Variants in ZNF280D observed in about 807,000 individuals in gnomAD.
ZNF280D encodes the protein suppressor of hairy wing homolog 4.
A neutral mutation model predicts 94.7 loss-of-function variants in ZNF280D; 39 were observed. That is an observed-to-expected ratio of 0.41 (90% CI 0.32 to 0.54). The LOEUF (loss-of-function observed/expected upper bound fraction) is 0.54, where lower values mean the gene tolerates loss of function less well. Ranked by LOEUF, ZNF280D falls within the 20% of genes least tolerant of loss-of-function variation. ZNF280D has a pLI of 0.22. For missense variants in ZNF280D, 1,090 were observed against 1,149.3 expected, an observed-to-expected ratio of 0.95 and a Z score of 0.75; for synonymous variants, 398 against 377.6, an observed-to-expected ratio of 1.05 and a Z score of -0.63.
At chr15:56,708,472 A>G (rs1184327202) in intron 1 of ZNF280D, among the ~76,000 whole-genome samples, 2 of 152,216 alleles carry the variant, frequency 1.3e-5, no homozygotes, top group Non-Finnish European at 2.9e-5. Flanking sequence ...GGAACACGGA[A>G]TATTTTTAAG....
At chr15:56,667,074 A>G (rs566677742) in intron 14 of ZNF280D, 88 bp from the exon 15 acceptor site, 1 of 1,104,842 alleles carries the variant, frequency 9.1e-7, no homozygotes, top group African/African-American at 1.6e-5. Context: ...TTAAAAATCA[A>G]GAATTTTGAA....
chr15:56,713,606 T>TAG lies in ZNF280D; in HGVS notation c.-85-6302_-85-6301dup, dbSNP rs199706892. Among the ~76,000 whole-genome samples, 440 of 152,334 alleles carry TAG rather than the reference T, an allele frequency of 2.9e-3. 3 individuals are homozygous for TAG. The highest frequency in any genetic ancestry group is 0.01 in the African/African-American group (418 of 41,594). On this transcript the variant is annotated intron_variant, in intron 1 of 21. Coordinates refer to ENST00000267807, the MANE Select transcript of ZNF280D (RefSeq NM_017661.4). ...TTTTAGAATTCCAATCTCAGATGAA[T>TAG]AGAGCTTAAAGGATACAAAGTGAAT...
At chr15:56,715,877 T>C (rs1225761516) in intron 1 of ZNF280D, among the ~76,000 whole-genome samples, 1 of 152,134 alleles carries the variant, frequency 6.6e-6, no homozygotes, top group African/African-American at 2.4e-5. Flanking sequence ...GACTGAAATA[T>C]TCAGAAACAA....
intron 20 of ZNF280D, among the ~76,000 whole-genome samples, chr15:56,642,524 T>C (rs1486220583): frequency 6.6e-6 from 1 of 151,834 alleles, no homozygotes; most frequent in East Asian, 1.9e-4. Context: ...AGTACTTGTT[T>C]AAAACATATT....
Position 56,635,269 on chromosome 15 carries a change from C to G in ZNF280D, c.2260-19G>C, listed in dbSNP as rs367648330. ...CAATTTCCTGAAATAATTAATAATA[C>G]TTTTCTTTTACATTCACAGTTAATC... On this transcript the variant is annotated intron_variant, in intron 20 of 21. Coordinates refer to ENST00000267807, the MANE Select transcript of ZNF280D (RefSeq NM_017661.4). 1.4e-6 allele frequency: 2 copies of G among 1,435,414 alleles called. No homozygotes were observed. The highest frequency in any genetic ancestry group is 1.4e-5 in the South Asian group (1 of 69,274). The allele number at this position is 1,435,414 out of a possible 1,614,324, so 88.9% of individuals were successfully genotyped here. A position where few individuals can be genotyped will look rare whatever the true frequency, so the allele number is the denominator to read the frequency against.
intron 19 of ZNF280D, among the ~76,000 whole-genome samples, chr15:56,648,329 T>C (rs1229793782): frequency 5.9e-5 from 9 of 152,094 alleles, no homozygotes; most frequent in African/African-American, 1.7e-4. Flanking sequence ...GTTTGAGCAA[T>C]AGAACATAGG....
At chr15:56,670,854 T>A (rs960709766) in intron 13 of ZNF280D, among the ~76,000 whole-genome samples, 2 of 151,958 alleles carry the variant, frequency 1.3e-5, no homozygotes, top group African/African-American at 4.8e-5. Flanking sequence ...ATTATTTTTT[T>A]ATCTTTTAAT....
chr15:56,631,499 C>A lies in ZNF280D; in HGVS notation c.2939G>T (p.Ter980LeuextTer2). ...CACTGAAACTTAAAATGACTAATTT[C>A]AACTTCTTTCTTTTTCGTCTTCCAG... Reference protein sequence around the residue: ...VDLEDEKERS* With the variant: ...VDLEDEKERSL Residue 980 changes from the stop codon to leucine, a stop_lost, in exon 22 of 22, where the codon TGA (stop) becomes TTA (leucine). Coordinates refer to ENST00000267807, the MANE Select transcript of ZNF280D (RefSeq NM_017661.4). 6.2e-7 allele frequency: 1 copy of A among 1,610,098 alleles called. No homozygotes were observed. The highest frequency in any genetic ancestry group is 8.5e-7 in the Non-Finnish European group (1 of 1,176,878).
intron 6 of ZNF280D, chr15:56,699,266 A>C (rs1172007090): frequency 1.8e-6 from 1 of 544,154 alleles, no homozygotes; most frequent in African/African-American, 2.1e-5. Flanking sequence ...TCCTATAGTT[A>C]TTTAATAGAA....
chr15:56,698,739 C>G (rs938233786), intron 6 of ZNF280D: 1 of 152,196 alleles, frequency 6.6e-6, no homozygotes, highest in African/African-American at 2.4e-5. Context: ...TAAGGACTCA[C>G]TCTCACCTGC....
At chr15:56,663,690 T>C (rs2054105733) in intron 16 of ZNF280D, among the ~76,000 whole-genome samples, 1 of 152,172 alleles carries the variant, frequency 6.6e-6, no homozygotes, top group African/African-American at 2.4e-5. Flanking sequence ...CAAGAATTTC[T>C]TGTATATTGC....
chr15:56,634,179 G>A (rs962860891), intron 21 of ZNF280D: 2 of 152,082 alleles, frequency 1.3e-5, no homozygotes, highest in Non-Finnish European at 2.9e-5. Context: ...TATGTTAGTG[G>A]TAGAAAGATT....
chr15:56,695,553 C>T (rs181150454), intron 6 of ZNF280D, among the ~76,000 whole-genome samples: 68 of 108,832 alleles, frequency 6.2e-4, no homozygotes, highest in African/African-American at 2.2e-3. Context: ...TTTTTTGAGA[C>T]GGAGTCTCAC....
Position 56,700,496 on chromosome 15 carries a change from T to C in ZNF280D, c.381+437A>G, listed in dbSNP as rs2056997716. On this transcript the variant is annotated intron_variant, in intron 6 of 21. Coordinates refer to ENST00000267807, the MANE Select transcript of ZNF280D (RefSeq NM_017661.4). ...TGTAACAAAAAAAGTGGGAGTTTTT[T>C]GTAATAGGAAAAAATGTTTGTTTTT... 7.0e-6 allele frequency: 7 copies of C among 1,000,842 alleles called. No individual in the cohort carries two copies. The South Asian group carries it at 2.6e-4, about 37-fold the overall frequency. 62.0% of individuals were successfully genotyped at this position (1,000,842 alleles called of 1,614,324 possible).
chr15:56,715,600 C>T (rs1172950188), intron 1 of ZNF280D, among the ~76,000 whole-genome samples: 1 of 151,992 alleles, frequency 6.6e-6, no homozygotes, highest in Non-Finnish European at 1.5e-5. Flanking sequence ...AGGCTTTACC[C>T]AGTCTGTCCC....
At chr15:56,635,356 T>C (rs2052303316) in intron 20 of ZNF280D, 106 bp from the exon 21 acceptor site, 4 of 370,234 alleles carry the variant, frequency 1.1e-5, no homozygotes, top group Non-Finnish European at 1.8e-5. Flanking sequence ...CAACTTAATA[T>C]AACAAAGAAA....
At chr15:56,645,577 G>A (rs542954260) in intron 19 of ZNF280D, among the ~76,000 whole-genome samples, 64 of 152,028 alleles carry the variant, frequency 4.2e-4, no homozygotes, top group Admixed American at 2.0e-4. Flanking sequence ...ACGGAGTTTC[G>A]TTCTTGTTGC....
At chr15:56,659,776 A>G (rs932566254) in intron 16 of ZNF280D, among the ~76,000 whole-genome samples, 8 of 151,946 alleles carry the variant, frequency 5.3e-5, no homozygotes, top group South Asian at 2.1e-4. Flanking sequence ...TTGCTTTAAC[A>G]AGCATTTTCA....
chr15:56,706,472 TG>T (rs1260375408), intron 3 of ZNF280D, among the ~76,000 whole-genome samples: 2 of 151,914 alleles, frequency 1.3e-5, no homozygotes, highest in African/African-American at 4.8e-5. Flanking sequence ...AGTGAGAATC[TG>T]TCTCAAAACA....
Sources: allele counts gnomAD v4.1 joint callset (sites outside exome capture counted in the v4.1 genomes callset), GRCh38; gene constraint gnomAD v4.1.1; transcripts MANE v1.5; gene names NCBI Gene and HGNC (gene_info 2026-07-23, HGNC 2026-07-21).